Variants in SAMSN1 observed in about 807,000 individuals in gnomAD.
SAMSN1 encodes SAM domain-containing protein SAMSN-1.
In SAMSN1, 31 loss-of-function variants were observed where a neutral mutation model predicts 42.0. That is an observed-to-expected ratio of 0.74 (90% CI 0.55 to 1.00). The LOEUF (loss-of-function observed/expected upper bound fraction) is 1.00, where lower values mean the gene tolerates loss of function less well. Among genes scored for constraint, SAMSN1 ranks in the 50% least tolerant of loss-of-function variants. The pLI, the probability that SAMSN1 is intolerant of heterozygous loss-of-function variation, is 0.00. For missense variants in SAMSN1, 464 were observed against 439.4 expected (o/e 1.06, Z -0.50); for synonymous variants, 178 against 151.9 (o/e 1.17, Z -1.26).
At chr21:14,579,137 C>T (rs1368043461) in intron 2 of SAMSN1, among the ~76,000 whole-genome samples, 4 of 152,170 alleles carry the variant, frequency 2.6e-5, no homozygotes, top group Non-Finnish European at 4.4e-5. Flanking sequence ...ACTTCTTTCA[C>T]TTTAGTGTCT....
At chr21:14,513,706 A>G (rs1427102403) in intron 3 of SAMSN1, among the ~76,000 whole-genome samples, 1 of 152,204 alleles carries the variant, frequency 6.6e-6, no homozygotes, top group African/African-American at 2.4e-5. Flanking sequence ...CCATACAGTA[A>G]TATATGCCCT....
rs7283280 is a variant in SAMSN1, at chr21:14,567,059, A to T, written c.261+15077T>A. On this transcript the variant is annotated intron_variant, in intron 2 of 8. Transcript: ENST00000285670. Reference sequence around the variant, plus strand: ...CAGAGGAGATGACTTTTGCTCCTCAATGATTGGGTTGAATGCTATGCCAGG... The same window carrying T: ...CAGAGGAGATGACTTTTGCTCCTCATTGATTGGGTTGAATGCTATGCCAGG... 6.8e-4 allele frequency among the ~76,000 whole-genome samples: 103 copies of T among 152,300 alleles called. 1 individual carries two copies. The highest frequency in any genetic ancestry group is 2.4e-3 in the African/African-American group (101 of 41,566).
chr21:14,599,875 T>C (rs1188199643), intron 6 of SAMSN1, among the ~76,000 whole-genome samples: 1 of 152,206 alleles, frequency 6.6e-6, no homozygotes, highest in Non-Finnish European at 1.5e-5. Flanking sequence ...TTTTTATTAT[T>C]GTTTCTTTAT....
chr21:14,546,799 TC>T (rs2123167821), upstream of SAMSN1, among the ~76,000 whole-genome samples: 1 of 152,000 alleles, frequency 6.6e-6, no homozygotes, highest in South Asian at 2.1e-4. Flanking sequence ...AACCTCCACC[TC>T]CCGGGTTCAA....
intron 5 of SAMSN1, among the ~76,000 whole-genome samples, chr21:14,508,497 C>G (rs1431833316): frequency 2.0e-5 from 3 of 152,076 alleles, no homozygotes; most frequent in Non-Finnish European, 4.4e-5. Context: ...AAATCAAAAC[C>G]ACAATGTGAT....
At position 14,496,625 on chromosome 21, in the gene SAMSN1, C is replaced by G. The variant is rs567957257; in HGVS notation, c.919+1817G>C. The stretch of plus-strand genomic sequence containing the variant: ...AAACTGACTCCTTTACCTGAACGAA[C>G]TTACTATATCTGTTTACACTGATCA... On this transcript the variant is annotated intron_variant, in intron 7 of 7. Transcript: ENST00000400566. Among the ~76,000 whole-genome samples, 173 of 152,310 alleles carry G rather than the reference C, an allele frequency of 1.1e-3. 1 individual carries two copies. Among genetic ancestry groups the G allele is most frequent in the African/African-American group, 3.9e-3 (161 of 41,564 alleles).
chr21:14,543,675 A>G (rs1980189893), intron 1 of SAMSN1, among the ~76,000 whole-genome samples: 1 of 152,198 alleles, frequency 6.6e-6, no homozygotes, highest in South Asian at 2.1e-4. Context: ...GTCACTTGAA[A>G]TAGAACCAAT....
chr21:14,643,110 A>T lies in SAMSN1; in HGVS notation c.48T>A (p.Tyr16Ter). The change falls in exon 2 of 16, where the codon TAT (tyrosine) becomes TAA (stop). Residue 16 changes from tyrosine (Y) to a stop codon, truncating the protein, a stop_gained. Coordinates refer to the SAMSN1 transcript ENST00000647101. LOFTEE classifies it high-confidence loss of function. ...TAGCTTGTTGCTCTGGGATTGGCTC[A>T]TATAAGCTATCCATAGAGCCCTCCT... 1.4e-6 allele frequency: 1 copy of T among 717,376 alleles called. No individual in the cohort carries two copies. The highest frequency in any genetic ancestry group is 2.7e-5 in the East Asian group (1 of 37,256). The allele number at this position is 717,376 out of a possible 1,614,324, so 44.4% of individuals were successfully genotyped here.
chr21:14,599,817 A>C (rs910282384), intron 6 of SAMSN1, among the ~76,000 whole-genome samples: 20 of 152,102 alleles, frequency 1.3e-4, no homozygotes, highest in African/African-American at 4.3e-4. Context: ...GACCCAAATA[A>C]ACCTTTTTCT....
intron 7 of SAMSN1, among the ~76,000 whole-genome samples, chr21:14,489,954 T>A (rs1424220785): frequency 1.3e-5 from 2 of 152,118 alleles, no homozygotes; most frequent in Non-Finnish European, 2.9e-5. Context: ...TGAAGATAGT[T>A]TTAAGGAAAT....
chr21:14,603,106 A>C (rs181094497), intron 5 of SAMSN1, among the ~76,000 whole-genome samples: 1 of 152,272 alleles, frequency 6.6e-6, no homozygotes, highest in East Asian at 1.9e-4. Context: ...TCAAGAATTT[A>C]TGTCACAGGG....
intron 2 of SAMSN1, among the ~76,000 whole-genome samples, chr21:14,630,355 A>G (rs1983297688): frequency 6.6e-6 from 1 of 152,142 alleles, no homozygotes; most frequent in South Asian, 2.1e-4. Flanking sequence ...AGAGAAAATT[A>G]AAGTAGGAAT....
At chr21:14,608,446 C>A (rs1197293118) in intron 5 of SAMSN1, among the ~76,000 whole-genome samples, 1 of 152,186 alleles carries the variant, frequency 6.6e-6, no homozygotes, top group Non-Finnish European at 1.5e-5. Context: ...ACTAGCCCCT[C>A]CACAGTGGGC....
At chr21:14,643,320 G>A (rs1483037211) in intron 1 of SAMSN1, among the ~76,000 whole-genome samples, 1 of 152,094 alleles carries the variant, frequency 6.6e-6, no homozygotes, top group African/African-American at 2.4e-5. Context: ...TTATTACACA[G>A]CCAGGAATTA....
intron 1 of SAMSN1, among the ~76,000 whole-genome samples, chr21:14,650,664 A>G (rs1426277617): frequency 6.6e-6 from 1 of 152,146 alleles, no homozygotes; most frequent in East Asian, 1.9e-4. Flanking sequence ...AATTAGTAGA[A>G]GAAACAAAAT....
At chr21:14,612,315 A>G (rs959836738) in intron 4 of SAMSN1, among the ~76,000 whole-genome samples, 1 of 152,178 alleles carries the variant, frequency 6.6e-6, no homozygotes, top group Non-Finnish European at 1.5e-5. Context: ...CTGACTCCCT[A>G]TTTGCTGTAA....
intron 1 of SAMSN1, chr21:14,658,720 C>G: frequency 2.8e-6 from 2 of 714,888 alleles, no homozygotes; most frequent in Non-Finnish European, 5.2e-6. Flanking sequence ...AAAATGAGAA[C>G]ATAAATGCTG....
At chr21:14,540,380 TG>T (rs1979933282) in intron 1 of SAMSN1, among the ~76,000 whole-genome samples, 1 of 152,180 alleles carries the variant, frequency 6.6e-6, no homozygotes, top group Non-Finnish European at 1.5e-5. Flanking sequence ...AGAAAATTTT[TG>T]CAATCTACTC....
intron 2 of SAMSN1, among the ~76,000 whole-genome samples, chr21:14,568,289 C>T (rs768325335): frequency 1.3e-5 from 2 of 152,066 alleles, no homozygotes; most frequent in Non-Finnish European, 2.9e-5. Flanking sequence ...TCCCTATATC[C>T]CCCTCATAAA....
Sources: gnomAD v4.1 joint callset for allele counts (sites outside exome capture counted in the v4.1 genomes callset) on GRCh38, gnomAD v4.1.1 for gene constraint, MANE v1.5 for transcripts, NCBI Gene and HGNC (gene_info 2026-07-23, HGNC 2026-07-21) for gene names.